VRTN: variants seen among roughly 807,000 people sequenced by gnomAD.
The protein encoded by VRTN is vertnin.
In VRTN, 5 loss-of-function variants were observed where a neutral mutation model predicts 18.2. That is an observed-to-expected ratio of 0.27 (90% CI 0.14 to 0.58). The LOEUF is 0.58. Among genes scored for constraint, VRTN ranks in the 20% least tolerant of loss-of-function variants. VRTN has a pLI of 0.91. For missense variants in VRTN, 741 were observed against 939.4 expected, an observed-to-expected ratio of 0.79 and a Z score of 2.76; for synonymous variants, 381 against 393.7, an observed-to-expected ratio of 0.97 and a Z score of 0.38.
intron 1 of VRTN, among the ~76,000 whole-genome samples, chr14:74,337,362 A>C (rs917366139): frequency 6.6e-6 from 1 of 151,874 alleles, no homozygotes. Flanking sequence ...AAAACAAACA[A>C]AAACAAACAA....
At chr14:74,342,921 G>T (rs566378836) in intron 2 of VRTN, among the ~76,000 whole-genome samples, 1 of 151,778 alleles carries the variant, frequency 6.6e-6, no homozygotes, top group East Asian at 1.9e-4. Context: ...CAGTCTAAAA[G>T]GCTCTTACAT....
intron 1 of VRTN, among the ~76,000 whole-genome samples, chr14:74,311,680 G>T (rs1248263839): frequency 1.3e-5 from 2 of 151,914 alleles, no homozygotes; most frequent in African/African-American, 4.8e-5. Flanking sequence ...AAAGTGCTGG[G>T]ATTATAGGGG....
rs1191578616 is a variant in VRTN, at chr14:74,358,605, G to T, written c.1822G>T (p.Ala608Ser). Reference sequence around the variant, plus strand: ...AGAGGGAGGGCCTTCCAGAGAGGGGGCCCTGCAGGAGGGGGCCACAGCCCA... The same window carrying T: ...AGAGGGAGGGCCTTCCAGAGAGGGGTCCCTGCAGGAGGGGGCCACAGCCCA... Reference protein sequence around the residue: ...DVEGGPSREGALQEGATAQGQ... With the variant: ...DVEGGPSREGSLQEGATAQGQ... Residue 608 changes from alanine to serine, a missense_variant, in exon 2 of 2, where the codon GCC becomes TCC. Physicochemically the swap from Ala to Ser is moderately conservative, Grantham distance 99 (BLOSUM62 1). Around this residue, in one of 3 missense-constraint regions of VRTN, gnomAD observed 494 missense variants for 546.5 expected, o/e 0.90. Coordinates refer to ENST00000256362, the MANE Select transcript of VRTN (RefSeq NM_018228.3). This position sits in a 1 kb window ranked among gnomAD's most constrained non-coding sequence, Gnocchi z 5.4. 3 of 1,600,016 alleles carry T rather than the reference G, an allele frequency of 1.9e-6. No homozygotes were observed. The highest frequency in any genetic ancestry group is 2.7e-5 in the African/African-American group (2 of 74,728).
intron 1 of VRTN, among the ~76,000 whole-genome samples, chr14:74,319,724 A>G (rs2085441136): frequency 6.6e-6 from 1 of 152,218 alleles, no homozygotes; most frequent in African/African-American, 2.4e-5. Flanking sequence ...CTGGAGCCAT[A>G]AATGTGGAAA....
At chr14:74,341,051 A>G (rs2085602394) in intron 2 of VRTN, among the ~76,000 whole-genome samples, 1 of 152,152 alleles carries the variant, frequency 6.6e-6, no homozygotes, top group African/African-American at 2.4e-5. Flanking sequence ...TGAAATAACA[A>G]ATTATTTAAC....
rs35884901 is a variant in VRTN at position 74,320,563 on chromosome 14, CTTTTTTTTTTTTTTTTTTT to C, written c.-163-17137_-163-17119del. 4.7e-3 allele frequency among the ~76,000 whole-genome samples: 211 copies of C among 44,974 alleles called. 1 individual carries two copies. Among genetic ancestry groups the C allele is most frequent in the Non-Finnish European group, 8.0e-3 (178 of 22,368 alleles). The allele number at this position is 44,974 out of a possible 152,430, so 29.5% of individuals were successfully genotyped here. ...AGACTTGAGCCACTGCGCCCGGCCTCTTTTTTTTTTTTTTTTTTTTTTTTTTTTTTTTTTTTTTTTTGAG... is the reference window on the plus strand; with the variant it reads ...AGACTTGAGCCACTGCGCCCGGCCTCTTTTTTTTTTTTTTTTTTTTTTGAG... On this transcript the variant is annotated intron_variant, in intron 1 of 2. Transcript: ENST00000557177.
intron 1 of VRTN, among the ~76,000 whole-genome samples, chr14:74,306,843 C>T (rs551590158): frequency 4.6e-5 from 7 of 151,526 alleles, no homozygotes; most frequent in African/African-American, 9.7e-5. Context: ...TGAGCTCAAG[C>T]GATGCTTCTG....
intron 1 of VRTN, among the ~76,000 whole-genome samples, chr14:74,321,795 T>C (rs2085457532): frequency 6.6e-6 from 1 of 151,748 alleles, no homozygotes; most frequent in African/African-American, 2.4e-5. Context: ...TGAGCCACCG[T>C]GCCCAGCTTT....
At chr14:74,315,896 A>G (rs1296989748) in intron 1 of VRTN, among the ~76,000 whole-genome samples, 1 of 152,180 alleles carries the variant, frequency 6.6e-6, no homozygotes, top group Non-Finnish European at 1.5e-5. Context: ...CAGAGTGGAC[A>G]TGGCCCATCT....
intron 1 of VRTN, among the ~76,000 whole-genome samples, chr14:74,316,216 G>T (rs2085418960): frequency 6.6e-6 from 1 of 152,018 alleles, no homozygotes; most frequent in South Asian, 2.1e-4. Context: ...CTCCGAGGAG[G>T]TTTTAAAGAA....
chr14:74,313,498 G>A (rs2085401389), intron 1 of VRTN, among the ~76,000 whole-genome samples: 1 of 152,208 alleles, frequency 6.6e-6, no homozygotes, highest in Non-Finnish European at 1.5e-5. Context: ...TGTCTGCAGT[G>A]TAGCTGGTTC....
chr14:74,306,304 C>T (rs2140189641), intron 1 of VRTN, among the ~76,000 whole-genome samples: 1 of 149,950 alleles, frequency 6.7e-6, no homozygotes, highest in Non-Finnish European at 1.5e-5. Context: ...GTAGCTGGGA[C>T]TGTAGGTGCT....
rs147057914 is a variant in VRTN at position 74,357,814 on chromosome 14, G to C, written c.1031G>C (p.Arg344Pro). ...QFLQRFPEIS[R>P]STYYAWKHEL... ...CTCCAGCGGTTCCCGGAGATCTCCC[G>C]CTCAACCTACTATGCCTGGAAGCAT... The change falls in exon 2 of 2, where the codon CGC becomes CCC. Residue 344 changes from arginine to proline, a missense_variant. By Grantham distance (103) the Arg-to-Pro change is moderately radical. Transcript: ENST00000256362. This position sits in a 1 kb window ranked among gnomAD's most constrained non-coding sequence, Gnocchi z 7.8. 6.2e-7 allele frequency: 1 copy of C among 1,613,192 alleles called. No homozygotes were observed. Among genetic ancestry groups the C allele is most frequent in the East Asian group, 2.2e-5 (1 of 44,870 alleles).
chr14:74,308,311 C>G (rs893389886), intron 1 of VRTN, among the ~76,000 whole-genome samples: 4 of 152,120 alleles, frequency 2.6e-5, no homozygotes, highest in African/African-American at 9.7e-5. Flanking sequence ...GATCATATGT[C>G]ATTTAACACT....
intron 1 of VRTN, among the ~76,000 whole-genome samples, chr14:74,317,631 G>A (rs1449103223): frequency 6.6e-6 from 1 of 151,874 alleles, no homozygotes; most frequent in Non-Finnish European, 1.5e-5. Flanking sequence ...GTGAAACTCC[G>A]TTTCTACTAA....
In VRTN at chr14:74,358,192, G is replaced by A; in HGVS notation, c.1409G>A (p.Gly470Glu). ...GTPQLASVGE[G>E]AVIPWKSEAE... ...CCCCAGCTAGCATCTGTTGGGGAAG[G>A]GGCTGTAATTCCTTGGAAGAGTGAG... is the stretch of plus-strand genomic sequence containing the variant. The change falls in exon 2 of 2, where the codon GGG becomes GAG. Residue 470 changes from glycine (G) to glutamate (E), a missense_variant. By Grantham distance (98) the Gly-to-Glu change is moderately conservative (BLOSUM62 -2). Around this residue, in one of 3 missense-constraint regions of VRTN, gnomAD observed 494 missense variants for 546.5 expected, o/e 0.90. Transcript: ENST00000256362. The surrounding 1 kb of genome is among the most constrained non-coding windows in gnomAD (Gnocchi z 5.4). The A allele has an allele frequency of 6.2e-7, 1 of 1,613,722 alleles. No individual in the cohort carries two copies. Among genetic ancestry groups the A allele is most frequent in the Middle Eastern group, 1.7e-4 (1 of 6,058 alleles).
intron 1 of VRTN, among the ~76,000 whole-genome samples, chr14:74,331,108 A>G (rs1351032187): frequency 1.3e-5 from 2 of 152,030 alleles, no homozygotes; most frequent in African/African-American, 4.8e-5. Flanking sequence ...AGGCTGAGGC[A>G]GGAGAATGGC....
At chr14:74,308,833 C>T (rs1266242796) in intron 1 of VRTN, among the ~76,000 whole-genome samples, 1 of 151,110 alleles carries the variant, frequency 6.6e-6, no homozygotes, top group Admixed American at 6.6e-5. Context: ...GCTTCTTATG[C>T]CCTGGCCTTG....
intron 1 of VRTN, among the ~76,000 whole-genome samples, chr14:74,319,479 A>T (rs1462608647): frequency 6.6e-6 from 1 of 152,250 alleles, no homozygotes; most frequent in Non-Finnish European, 1.5e-5. Context: ...GAGCTATCAA[A>T]GACCCCGCTT....
Sources: allele counts gnomAD v4.1 joint callset (sites outside exome capture counted in the v4.1 genomes callset), GRCh38; gene constraint gnomAD v4.1.1; regional missense constraint gnomAD v4.1.1; non-coding constraint Gnocchi (gnomAD v3.1); transcripts MANE v1.5; gene names NCBI Gene and HGNC (gene_info 2026-07-23, HGNC 2026-07-21).